The following HSP90AA1 variants were observed in gnomAD, a reference collection of about 807,000 sequenced individuals.
HSP90AA1 encodes the protein heat shock protein 90 alpha family class A member 1.
HSP90AA1 carries 18 observed loss-of-function variants against 73.3 expected under a neutral mutation model. The ratio of observed to expected loss-of-function variants is 0.25; its 90% CI spans 0.17 to 0.36. HSP90AA1 has a LOEUF of 0.36. HSP90AA1 is among the 10% of genes least tolerant of loss of function. The probability of loss-of-function intolerance (pLI) is 1.00; values close to 1 mark genes in which losing one functional copy is unlikely to be tolerated. For missense variants in HSP90AA1, 704 were observed against 874.2 expected, an observed-to-expected ratio of 0.81 and a Z score of 2.45; for synonymous variants, 477 against 296.9, an observed-to-expected ratio of 1.61 and a Z score of -6.24.
exon 1 of HSP90AA1, chr14:102,139,521 G>T (rs1044744352): frequency 4.6e-6 from 5 of 1,095,348 alleles, no homozygotes; most frequent in Non-Finnish European, 6.4e-6. Context: ...GGAGACCGCT[G>T]AGGAGGCACC....
chr14:102,081,318 A>G lies in HSP90AA1; in HGVS notation c.*394T>C. On this transcript the variant is annotated 3_prime_UTR_variant, in exon 11 of 11. Transcript: ENST00000216281. ...ACAGGGAATGAAAAGTTCAAAAAGT[A>G]GATCCTACAAGATGTAACGAATACT... 1 of 302,578 alleles carries G rather than the reference A, an allele frequency of 3.3e-6. No homozygotes were observed. The highest frequency in any genetic ancestry group is 4.6e-5 in the Admixed American group (1 of 21,564). The allele number at this position is 302,578 out of a possible 1,614,324, so 18.7% of individuals were successfully genotyped here.
At chr14:102,116,790 C>G (rs1388085096) in intron 1 of HSP90AA1, among the ~76,000 whole-genome samples, 2 of 152,034 alleles carry the variant, frequency 1.3e-5, no homozygotes, top group Admixed American at 1.3e-4. Flanking sequence ...GGGCTGGGCA[C>G]AGAGAAGCAG....
chr14:102,111,400 T>C (rs2049640204), intron 1 of HSP90AA1, among the ~76,000 whole-genome samples: 2 of 152,208 alleles, frequency 1.3e-5, no homozygotes, highest in Non-Finnish European at 2.9e-5. Flanking sequence ...GCCCCAAGCC[T>C]TGGCAGTTTC....
chr14:102,120,740 C>T (rs866764867), intron 1 of HSP90AA1, among the ~76,000 whole-genome samples: 7 of 151,742 alleles, frequency 4.6e-5, no homozygotes, highest in East Asian at 3.9e-4. Context: ...GTCAGGAGTT[C>T]AAGACCAGCC....
At chr14:102,107,977 C>A (rs1306308137) in intron 1 of HSP90AA1, among the ~76,000 whole-genome samples, 1 of 149,264 alleles carries the variant, frequency 6.7e-6, no homozygotes, top group African/African-American at 2.5e-5. Context: ...GAATTGGGGC[C>A]TTGAAGCCCA....
At chr14:102,084,633 A>T in intron 5 of HSP90AA1, 48 bp downstream of exon 5, 2 of 1,614,170 alleles carry the variant, frequency 1.2e-6, no homozygotes, top group Non-Finnish European at 1.7e-6. Context: ...GGTGGTGGAG[A>T]AAGATGATAA....
intron 2 of HSP90AA1, 26 bp from the exon 3 acceptor site, chr14:102,086,150 G>A (rs369012622): frequency 6.2e-6 from 10 of 1,613,844 alleles, no homozygotes; most frequent in Admixed American, 3.3e-5. Context: ...ATTAATTTAA[G>A]CATACAGCAC....
At chr14:102,090,759 G>C (rs576925646), upstream of HSP90AA1, among the ~76,000 whole-genome samples, 1 of 152,140 alleles carries the variant, frequency 6.6e-6, no homozygotes, top group Non-Finnish European at 1.5e-5. Context: ...CCTCAACAAC[G>C]TATTTCTAAT....
chr14:102,134,201 G>A (rs897538716), intron 1 of HSP90AA1, among the ~76,000 whole-genome samples: 3 of 151,084 alleles, frequency 2.0e-5, no homozygotes, highest in Non-Finnish European at 4.4e-5. Context: ...AGCTGGGCAC[G>A]GTGGCACATG....
intron 2 of HSP90AA1, among the ~76,000 whole-genome samples, chr14:102,092,757 T>C (rs1417645713): frequency 6.6e-6 from 1 of 151,830 alleles, no homozygotes; most frequent in Non-Finnish European, 1.5e-5. Context: ...TGCAGTTTAT[T>C]GTTGTTTTTA....
At position 102,086,231 on chromosome 14, in the gene HSP90AA1, A is replaced by T; in HGVS notation, c.148T>A (p.Ser50Thr). 1 of 1,614,224 alleles carries T rather than the reference A, an allele frequency of 6.2e-7. No individual in the cohort carries two copies. The highest frequency in any genetic ancestry group is 1.1e-5 in the South Asian group (1 of 91,088). The change falls in exon 2 of 11, where the codon TCA (serine) becomes ACA (threonine). Residue 50 changes from serine to threonine, a missense_variant. Physicochemically the swap from Ser to Thr is moderately conservative, Grantham distance 58 (BLOSUM62 1). Transcript: ENST00000216281. ...AAGTGACTTACATCTGATGAATTTG[A>T]AATGAGCTCTCTCAGAAAGATCTCT... The part of the protein sequence containing the change: ...NKEIFLRELI[S>T]NSSDALDKIR...
At chr14:102,101,476 C>G (rs974613643) in intron 2 of HSP90AA1, among the ~76,000 whole-genome samples, 9 of 152,240 alleles carry the variant, frequency 5.9e-5, no homozygotes, top group Admixed American at 2.0e-4. Context: ...CTTCTTCACG[C>G]CCCTCCTGCC....
chr14:102,085,047 G>C (rs749660317), intron 4 of HSP90AA1, 49 bp from the exon 5 acceptor site: 16 of 1,613,612 alleles, frequency 9.9e-6, no homozygotes, highest in Non-Finnish European at 1.1e-5. Flanking sequence ...CCAGAACTAA[G>C]CGACAGCGCT....
At chr14:102,118,807 C>G (rs903705647) in intron 1 of HSP90AA1, among the ~76,000 whole-genome samples, 2 of 151,824 alleles carry the variant, frequency 1.3e-5, no homozygotes, top group South Asian at 2.1e-4. Context: ...CTACCCCTCC[C>G]CATACATTCT....
At chr14:102,083,008 G>A (rs1322437142) in intron 9 of HSP90AA1, 26 bp downstream of exon 9, 26 of 1,606,288 alleles carry the variant, frequency 1.6e-5, no homozygotes, top group Non-Finnish European at 2.2e-5. Context: ...AAGTATCAAT[G>A]ATCAGGAAAT....
At chr14:102,094,578 T>C (rs948336899) in intron 2 of HSP90AA1, among the ~76,000 whole-genome samples, 2 of 152,068 alleles carry the variant, frequency 1.3e-5, no homozygotes, top group Non-Finnish European at 2.9e-5. Context: ...GCAAGAGCCC[T>C]GAGGGTCTGC....
chr14:102,098,286 C>A (rs989276904), intron 2 of HSP90AA1, among the ~76,000 whole-genome samples: 1 of 150,374 alleles, frequency 6.7e-6, no homozygotes. Flanking sequence ...CTCAGCCTCC[C>A]GAGTAGCTGG....
At chr14:102,137,252 T>G (rs1030871308) in intron 1 of HSP90AA1, among the ~76,000 whole-genome samples, 28 of 150,978 alleles carry the variant, frequency 1.9e-4, no homozygotes, top group African/African-American at 6.6e-4. Context: ...AAAAAAAAAT[T>G]TTTTTTTAAA....
At position 102,084,689 on chromosome 14, in the gene HSP90AA1, C is replaced by T. The variant is rs1595657278; in HGVS notation, c.973G>A (p.Ala325Thr). ...SLTNDWEDHL[A>T]VKHFSVEGQL... ...ACCCATCAGTCACTCACCTTCACTG[C>T]CAAGTGATCTTCCCAGTCATTGGTC... The change falls in exon 5 of 11, where the codon GCA becomes ACA. Residue 325 changes from alanine to threonine, a missense_variant. Physicochemically the swap from Ala to Thr is moderately conservative, Grantham distance 58. Coordinates refer to ENST00000216281, the MANE Select transcript of HSP90AA1 (RefSeq NM_005348.4). The T allele has an allele frequency of 6.2e-7, 1 of 1,613,212 alleles. No homozygotes were observed. Among genetic ancestry groups the T allele is most frequent in the South Asian group, 1.1e-5 (1 of 91,060 alleles).
Sources: allele counts gnomAD v4.1 joint callset (sites outside exome capture counted in the v4.1 genomes callset), GRCh38; gene constraint gnomAD v4.1.1; transcripts MANE v1.5; gene names NCBI Gene and HGNC (gene_info 2026-07-23, HGNC 2026-07-21).